The following SASH1 variants were observed in gnomAD, a reference collection of about 807,000 sequenced individuals.
The protein encoded by SASH1 is SAM and SH3 domain-containing protein 1.
A neutral mutation model predicts 125.2 loss-of-function variants in SASH1; 44 were observed. The observed-to-expected ratio is 0.35, with a 90% CI of 0.28 to 0.45. The LOEUF (loss-of-function observed/expected upper bound fraction) is 0.45. SASH1 is among the 20% of genes least tolerant of loss of function. The pLI, the probability that SASH1 is intolerant of heterozygous loss-of-function variation, is 1.00. For missense variants in SASH1, 1,426 were observed against 1,614.5 expected, an observed-to-expected ratio of 0.88 and a Z score of 2.00; for synonymous variants, 639 against 649.1, an observed-to-expected ratio of 0.98 and a Z score of 0.24.
chr6:148,299,406 C>T (rs1779872000), intron 1 of SASH1, among the ~76,000 whole-genome samples: 1 of 151,774 alleles, frequency 6.6e-6, no homozygotes, highest in African/African-American at 2.4e-5. Flanking sequence ...GTGGCTCACA[C>T]CTGTAGTCCC....
chr6:148,208,555 A>G, the SASH1 span, among the ~76,000 whole-genome samples: 1 of 152,176 alleles, frequency 6.6e-6, no homozygotes, highest in East Asian at 1.9e-4. Context: ...AGCTGACATC[A>G]TTATTATTGA....
intron 1 of SASH1, among the ~76,000 whole-genome samples, chr6:148,374,197 C>T (rs117735381): frequency 0.011 from 1,734 of 152,226 alleles, 15 homozygotes; most frequent in Non-Finnish European, 0.014. Flanking sequence ...ATAGGGCAAT[C>T]GAGAAGCATA....
intron 1 of SASH1, among the ~76,000 whole-genome samples, chr6:148,298,527 G>A (rs796943121): frequency 4.6e-5 from 7 of 152,002 alleles, no homozygotes; most frequent in African/African-American, 1.7e-4. Flanking sequence ...TGTGGTCCCA[G>A]CTACCCAGGA....
At chr6:148,509,173 C>G (rs1478405025) in intron 8 of SASH1, 1 of 340,390 alleles carries the variant, frequency 2.9e-6, no homozygotes, top group East Asian at 7.7e-5. Flanking sequence ...CTGGGGAGGA[C>G]TTGAATTCAG....
chr6:148,216,590 T>C, the SASH1 span, among the ~76,000 whole-genome samples: 3 of 152,072 alleles, frequency 2.0e-5, no homozygotes, highest in Non-Finnish European at 4.4e-5. Flanking sequence ...CTGGGGACAT[T>C]TGTGTGAGAC....
chr6:148,257,948 G>A, the SASH1 span, among the ~76,000 whole-genome samples: 1 of 152,110 alleles, frequency 6.6e-6, no homozygotes, highest in Admixed American at 6.5e-5. Context: ...TTTTGGATCT[G>A]TTCCACTAGT....
At chr6:148,200,439 G>A in the SASH1 span, among the ~76,000 whole-genome samples, 2 of 152,206 alleles carry the variant, frequency 1.3e-5, no homozygotes, top group African/African-American at 2.4e-5. Context: ...AGGGGGCCGC[G>A]ATCATCTGCT....
At chr6:148,497,960 G>A (rs763558266) in intron 8 of SASH1, among the ~76,000 whole-genome samples, 52 of 152,180 alleles carry the variant, frequency 3.4e-4, no homozygotes, top group Non-Finnish European at 5.7e-4. Flanking sequence ...CTGTTATGTC[G>A]GAAGGCACTC....
At chr6:148,488,177 C>T (rs772548411) in intron 8 of SASH1, among the ~76,000 whole-genome samples, 8 of 152,188 alleles carry the variant, frequency 5.3e-5, no homozygotes, top group South Asian at 2.1e-4. Context: ...TGGCAGCCAC[C>T]GTTCTACTTT....
In SASH1 at chr6:148,475,952, G is replaced by A. The variant is rs75481221; in HGVS notation, c.627+1730G>A. Among the ~76,000 whole-genome samples the A allele has an allele frequency of 7.6e-3, 1,149 of 152,176 alleles. 14 individuals carry two copies. The highest frequency in any genetic ancestry group is 0.027 in the African/African-American group (1,102 of 41,542). ...AACAATATCCTATAATAAAAGTTAT[G>A]TGACAAAGATGTCCATTTTCACTAC... On this transcript the variant is annotated intron_variant, in intron 7 of 19. Transcript: ENST00000367467.
the SASH1 span, among the ~76,000 whole-genome samples, chr6:148,200,132 A>G: frequency 6.6e-6 from 1 of 152,202 alleles, no homozygotes; most frequent in African/African-American, 2.4e-5. Flanking sequence ...GTTAAAAAAT[A>G]AAAAAGTGGA....
At chr6:148,392,286 CAA>C (rs61537766) in intron 2 of SASH1, among the ~76,000 whole-genome samples, 116 of 116,036 alleles carry the variant, frequency 1.0e-3, no homozygotes, top group Non-Finnish European at 9.2e-4. Context: ...AACTCTGTCT[CAA>C]AAAAAAAAAA....
intron 2 of SASH1, among the ~76,000 whole-genome samples, chr6:148,437,578 C>T (rs544262183): frequency 1.1e-4 from 16 of 152,254 alleles, no homozygotes; most frequent in African/African-American, 3.9e-4. Flanking sequence ...ACAAGCTGGG[C>T]GTGGTCATGA....
intron 11 of SASH1, 144 bp from the exon 12 acceptor site, chr6:148,527,309 A>G (rs1562485043): frequency 1.5e-6 from 1 of 652,228 alleles, no homozygotes; most frequent in African/African-American, 1.9e-5. Context: ...GAGATAAATA[A>G]TAGCACTGAG....
chr6:148,522,399 A>C (rs960435799), intron 10 of SASH1, among the ~76,000 whole-genome samples: 39 of 152,298 alleles, frequency 2.6e-4, no homozygotes, highest in African/African-American at 7.2e-4. Context: ...TTAAAAGGTT[A>C]TTTTCCATTC....
intron 1 of SASH1, among the ~76,000 whole-genome samples, chr6:148,353,435 A>ATT (rs377513066): frequency 0.016 from 1,780 of 108,786 alleles, 70 homozygotes; most frequent in African/African-American, 0.051. Context: ...TTTAAGATTG[A>ATT]TTTTTTTTTT....
intron 4 of SASH1, among the ~76,000 whole-genome samples, chr6:148,445,570 A>G (rs1158537592): frequency 6.6e-6 from 1 of 152,228 alleles, no homozygotes; most frequent in East Asian, 1.9e-4. Flanking sequence ...GAATGGGTCC[A>G]GGGCTGGCTC....
At chr6:148,540,028 A>C (rs1329192969) in intron 16 of SASH1, among the ~76,000 whole-genome samples, 3 of 152,156 alleles carry the variant, frequency 2.0e-5, no homozygotes, top group African/African-American at 7.2e-5. Context: ...AGATCTCCGA[A>C]AAACATATGA....
the SASH1 span, among the ~76,000 whole-genome samples, chr6:148,224,958 C>G: frequency 1.3e-5 from 2 of 152,310 alleles, no homozygotes; most frequent in South Asian, 2.1e-4. Flanking sequence ...CCACAGCTTC[C>G]TTCTTGCAGA....
Sources: allele counts gnomAD v4.1 joint callset (sites outside exome capture counted in the v4.1 genomes callset), GRCh38; gene constraint gnomAD v4.1.1; transcripts MANE v1.5; gene names NCBI Gene and HGNC (gene_info 2026-07-23, HGNC 2026-07-21).